ASTN2: variants seen among roughly 807,000 people sequenced by gnomAD.
ASTN2 encodes the protein astrotactin 2.
A neutral mutation model predicts 139.8 loss-of-function variants in ASTN2; 54 were observed. The observed-to-expected ratio is 0.39, with a 90% CI of 0.31 to 0.48. The LOEUF (loss-of-function observed/expected upper bound fraction) is 0.48, where lower values mean the gene tolerates loss of function less well. Ranked by LOEUF, ASTN2 falls within the 20% of genes least tolerant of loss-of-function variation. The pLI, the probability that ASTN2 is intolerant of heterozygous loss-of-function variation, is 0.95. For missense variants in ASTN2, 1,565 were observed against 1,725.1 expected (o/e 0.91, Z 1.64); for synonymous variants, 756 against 719.5 (o/e 1.05, Z -0.81).
At position 117,408,695 on chromosome 9, in the gene ASTN2, A is replaced by T. The variant is rs183120283; in HGVS notation, c.442+5802T>A. 1.2e-4 allele frequency among the ~76,000 whole-genome samples: 18 copies of T among 152,332 alleles called. No individual in the cohort carries two copies. The East Asian group carries it at 3.3e-3, about 28-fold the overall frequency. On this transcript the variant is annotated intron_variant, in intron 1 of 22. Transcript: ENST00000313400. ...CCATGGGTCATGCCAAAGCTTGCAG[A>T]TCTGCCTAGGTTGGTATCACTGACC...
intron 7 of ASTN2, among the ~76,000 whole-genome samples, chr9:116,984,316 A>G (rs1049461424): frequency 3.9e-5 from 6 of 152,140 alleles, no homozygotes; most frequent in African/African-American, 2.4e-5. Flanking sequence ...AGCTGCACCC[A>G]TGGCCCTCCC....
Position 116,586,823 on chromosome 9 carries a change from CACATACAT to C in ASTN2, c.3355+31493_3355+31500del, listed in dbSNP as rs1190838660. On this transcript the variant is annotated intron_variant, in intron 19 of 22. Coordinates refer to ENST00000313400, the MANE Select transcript of ASTN2 (RefSeq NM_001365068.1). Reference sequence around the variant, plus strand: ...ATACCAGTTGAAATTCACACACACACACATACATACACACACACACACACACACACACA... The same window carrying C: ...ATACCAGTTGAAATTCACACACACACACACACACACACACACACACACACA... 5.4e-3 allele frequency among the ~76,000 whole-genome samples: 465 copies of C among 86,066 alleles called. 6 individuals carry two copies. Among genetic ancestry groups the C allele is most frequent in the African/African-American group, 0.02 (412 of 20,694 alleles). 56.5% of individuals were successfully genotyped at this position (86,066 alleles called of 152,430 possible).
At chr9:117,302,025 G>A (rs998910298) in intron 1 of ASTN2, among the ~76,000 whole-genome samples, 3 of 124,536 alleles carry the variant, frequency 2.4e-5, no homozygotes, top group Admixed American at 1.1e-4. Context: ...CTGTCTTCTC[G>A]TCACTCTTTT....
At chr9:116,803,848 C>T (rs992058631) in intron 13 of ASTN2, among the ~76,000 whole-genome samples, 7 of 151,484 alleles carry the variant, frequency 4.6e-5, no homozygotes, top group Admixed American at 1.3e-4. Flanking sequence ...AAAAAGTTAG[C>T]AGAGATGGAG....
At chr9:116,469,986 C>T (rs1342350703) in intron 20 of ASTN2, among the ~76,000 whole-genome samples, 1 of 152,006 alleles carries the variant, frequency 6.6e-6, no homozygotes, top group African/African-American at 2.4e-5. Flanking sequence ...GGCAGGATCA[C>T]CTGAGGTCAG....
At position 116,793,982 on chromosome 9, in the gene ASTN2, C is replaced by T. The variant is rs186697308; in HGVS notation, c.2396+11650G>A. Among the ~76,000 whole-genome samples the T allele has an allele frequency of 2.7e-3, 409 of 152,174 alleles. 2 individuals carry two copies. In the Middle Eastern group the frequency reaches 0.037, roughly 14 times the overall value. On this transcript the variant is annotated intron_variant, in intron 13 of 22. Coordinates refer to ENST00000313400, the MANE Select transcript of ASTN2 (RefSeq NM_001365068.1). ...GGACCAGGAGTGTCCAATTTTTTGG[C>T]TTCCCTGGGCCATGTTGGAAGAAGA... is the stretch of plus-strand genomic sequence containing the variant.
intron 20 of ASTN2, among the ~76,000 whole-genome samples, chr9:116,474,831 A>G (rs2119026372): frequency 6.6e-6 from 1 of 152,364 alleles, no homozygotes; most frequent in South Asian, 2.1e-4. Context: ...AAAGCTGGGC[A>G]TGCAGCCTAG....
intron 11 of ASTN2, among the ~76,000 whole-genome samples, chr9:116,860,730 A>G (rs1832855024): frequency 6.6e-6 from 1 of 152,220 alleles, no homozygotes; most frequent in Non-Finnish European, 1.5e-5. Flanking sequence ...AAGACCTTGG[A>G]AAGTCACTCT....
At chr9:117,242,559 G>T (rs1833248039) in intron 2 of ASTN2, among the ~76,000 whole-genome samples, 1 of 152,166 alleles carries the variant, frequency 6.6e-6, no homozygotes, top group African/African-American at 2.4e-5. Context: ...CATAATAAAT[G>T]CCTTATGGCA....
chr9:116,957,031 C>G (rs1835727127), intron 10 of ASTN2, among the ~76,000 whole-genome samples: 1 of 150,602 alleles, frequency 6.6e-6, no homozygotes, highest in Non-Finnish European at 1.5e-5. Flanking sequence ...AATGCAGTCC[C>G]TATCAGATTC....
intron 2 of ASTN2, among the ~76,000 whole-genome samples, chr9:117,232,445 A>C (rs780079317): frequency 6.6e-6 from 1 of 152,020 alleles, no homozygotes; most frequent in Non-Finnish European, 1.5e-5. Flanking sequence ...GCCCTCCAAA[A>C]GCAGCCTTCT....
chr9:116,496,285 T>A (rs199707426), intron 19 of ASTN2, among the ~76,000 whole-genome samples: 1 of 152,200 alleles, frequency 6.6e-6, no homozygotes, highest in African/African-American at 2.4e-5. Context: ...AATATTTATA[T>A]AGTGAGTGAA....
chr9:116,569,927 C>T lies in ASTN2; in HGVS notation c.3355+48397G>A, dbSNP rs756448179. Among the ~76,000 whole-genome samples the T allele has an allele frequency of 7.2e-5, 11 of 152,148 alleles. 1 individual carries two copies. Among genetic ancestry groups the T allele is most frequent in the East Asian group, 1.9e-4 (1 of 5,192 alleles). ...GAGAGTCTAATGTATTCCGTCATGCCGTCTAATTCAGAGTCTCCTTGCTTT... is the reference window on the plus strand; with the variant it reads ...GAGAGTCTAATGTATTCCGTCATGCTGTCTAATTCAGAGTCTCCTTGCTTT... On this transcript the variant is annotated intron_variant, in intron 19 of 22. Coordinates refer to ENST00000313400, the MANE Select transcript of ASTN2 (RefSeq NM_001365068.1).
intron 10 of ASTN2, among the ~76,000 whole-genome samples, chr9:116,931,371 T>G (rs1298009223): frequency 1.3e-5 from 2 of 152,134 alleles, no homozygotes; most frequent in Non-Finnish European, 2.9e-5. Context: ...TGCGAGTCAC[T>G]GCCCCACAGG....
intron 1 of ASTN2, among the ~76,000 whole-genome samples, chr9:117,365,986 G>A (rs760029113): frequency 2.6e-5 from 4 of 152,080 alleles, no homozygotes; most frequent in Non-Finnish European, 4.4e-5. Flanking sequence ...TTTGTTCTGC[G>A]CTCCTGACAC....
rs1057521228 is a variant in ASTN2, at chr9:116,698,441, G to T, written c.2806+27330C>A. The stretch of plus-strand genomic sequence containing the variant: ...GTTACCTGCTTAACATTGCAGAGGT[G>T]CAGGCTGTGTCTCGCTGTGACTACT... On this transcript the variant is annotated intron_variant, in intron 16 of 22. Coordinates refer to ENST00000313400, the MANE Select transcript of ASTN2 (RefSeq NM_001365068.1). The surrounding 1 kb of genome is among the most constrained non-coding windows in gnomAD (Gnocchi z 4.4). 14 of 1,614,130 alleles carry T rather than the reference G, an allele frequency of 8.7e-6. No homozygotes were observed. The South Asian group carries it at 1.4e-4, about 16-fold the overall frequency.
chr9:116,957,955 A>C (rs952179793), intron 10 of ASTN2, among the ~76,000 whole-genome samples: 1 of 152,184 alleles, frequency 6.6e-6, no homozygotes, highest in African/African-American at 2.4e-5. Context: ...CTGGGATTGC[A>C]GGTGTGAGCC....
At chr9:116,702,438 T>C (rs1219550657) in intron 16 of ASTN2, among the ~76,000 whole-genome samples, 2 of 152,168 alleles carry the variant, frequency 1.3e-5, no homozygotes, top group Admixed American at 1.3e-4. Context: ...TATATCAAGT[T>C]CATCTCTTCC....
chr9:116,682,771 T>C (rs540680844), intron 16 of ASTN2, among the ~76,000 whole-genome samples: 7 of 151,940 alleles, frequency 4.6e-5, no homozygotes, highest in Non-Finnish European at 7.4e-5. Context: ...TAAACTATCG[T>C]AAGAACAAAA....
Sources: allele counts gnomAD v4.1 joint callset (sites outside exome capture counted in the v4.1 genomes callset), GRCh38; gene constraint gnomAD v4.1.1; non-coding constraint Gnocchi (gnomAD v3.1); transcripts MANE v1.5; gene names NCBI Gene and HGNC (gene_info 2026-07-23, HGNC 2026-07-21).